PPM1H: variants seen among roughly 807,000 people sequenced by gnomAD.
The protein encoded by PPM1H is protein phosphatase, Mg2+/Mn2+ dependent 1H.
A neutral mutation model predicts 54.9 loss-of-function variants in PPM1H; 27 were observed. The observed-to-expected ratio is 0.49, with a 90% CI of 0.36 to 0.68. PPM1H has a LOEUF of 0.68. Ranked by LOEUF, PPM1H falls within the 30% of genes least tolerant of loss-of-function variation. The pLI is 0.00. For synonymous variants in PPM1H, 305 were observed against 270.8 expected (o/e 1.13, Z -1.24); for missense variants, 596 against 667.8 (o/e 0.89, Z 1.19).
intron 9 of PPM1H, among the ~76,000 whole-genome samples, chr12:62,664,109 A>C (rs969115808): frequency 6.6e-6 from 1 of 151,904 alleles, no homozygotes; most frequent in Non-Finnish European, 1.5e-5. Context: ...CTCTGTGGTT[A>C]AGGGTATCTT....
intron 6 of PPM1H, among the ~76,000 whole-genome samples, chr12:62,697,595 A>G (rs990966039): frequency 2.0e-5 from 3 of 152,114 alleles, no homozygotes; most frequent in Non-Finnish European, 4.4e-5. Flanking sequence ...GCTTGAATTT[A>G]TGCTTCCAGC....
At chr12:62,671,039 T>G (rs1326975683) in intron 8 of PPM1H, among the ~76,000 whole-genome samples, 1 of 152,162 alleles carries the variant, frequency 6.6e-6, no homozygotes, top group Non-Finnish European at 1.5e-5. Context: ...CAGCAAAGGC[T>G]TCAAAGGATT....
chr12:62,658,330 G>A (rs2075859353), intron 9 of PPM1H, among the ~76,000 whole-genome samples: 2 of 151,974 alleles, frequency 1.3e-5, no homozygotes, highest in African/African-American at 4.8e-5. Flanking sequence ...AGTTTGGTTA[G>A]CTATTCCCTG....
chr12:62,759,896 C>T (rs1189479904), intron 4 of PPM1H, among the ~76,000 whole-genome samples: 8 of 151,326 alleles, frequency 5.3e-5, no homozygotes. Context: ...GCAAGCACCT[C>T]TCACCCCTTC....
chr12:62,850,156 A>G (rs1869126198), intron 1 of PPM1H, among the ~76,000 whole-genome samples: 1 of 151,872 alleles, frequency 6.6e-6, no homozygotes, highest in Non-Finnish European at 1.5e-5. Flanking sequence ...TTGTAGATAC[A>G]GGGTTTCACC....
chr12:62,690,964 C>A, intron 7 of PPM1H, among the ~76,000 whole-genome samples: 1 of 152,058 alleles, frequency 6.6e-6, no homozygotes, highest in Non-Finnish European at 1.5e-5. Flanking sequence ...CAGTGAGACT[C>A]AGTCTCAAAC....
intron 1 of PPM1H, among the ~76,000 whole-genome samples, chr12:62,918,417 A>T (rs1871689668): frequency 1.3e-5 from 2 of 152,250 alleles, no homozygotes; most frequent in Admixed American, 1.3e-4. Flanking sequence ...GGGCAATTGA[A>T]ACCTAAATAT....
intron 4 of PPM1H, among the ~76,000 whole-genome samples, chr12:62,745,912 A>G (rs1029767083): frequency 6.6e-6 from 1 of 152,118 alleles, no homozygotes; most frequent in East Asian, 1.9e-4. Flanking sequence ...AGAAGTCTAG[A>G]CCAGGCATGA....
intron 3 of PPM1H, among the ~76,000 whole-genome samples, chr12:62,796,507 G>C (rs1407395786): frequency 6.6e-6 from 1 of 152,192 alleles, no homozygotes; most frequent in African/African-American, 2.4e-5. Flanking sequence ...ACATTTGCTA[G>C]TTCATTATAA....
At chr12:62,846,375 C>A (rs2120915306) in intron 1 of PPM1H, among the ~76,000 whole-genome samples, 1 of 151,830 alleles carries the variant, frequency 6.6e-6, no homozygotes, top group South Asian at 2.1e-4. Context: ...TGGCAGGCAC[C>A]TGTAGTCCCA....
chr12:62,850,567 C>G (rs1305050738), intron 1 of PPM1H, among the ~76,000 whole-genome samples: 1 of 150,526 alleles, frequency 6.6e-6, no homozygotes, highest in Non-Finnish European at 1.5e-5. Context: ...AAAAAAATCC[C>G]AAAATGTCCT....
chr12:62,933,462 G>A (rs1872217128), intron 1 of PPM1H, among the ~76,000 whole-genome samples: 1 of 152,096 alleles, frequency 6.6e-6, no homozygotes, highest in Non-Finnish European at 1.5e-5. Context: ...GCACGGATAG[G>A]GGAGGGCCAA....
intron 5 of PPM1H, chr12:62,720,932 G>T (rs894396620): frequency 1.8e-4 from 28 of 152,468 alleles, no homozygotes; most frequent in African/African-American, 6.5e-4. Flanking sequence ...CAGTCTCATT[G>T]TCACATTCAA....
chr12:62,900,185 C>G (rs1365531397), intron 1 of PPM1H, among the ~76,000 whole-genome samples: 5 of 152,236 alleles, frequency 3.3e-5, no homozygotes, highest in African/African-American at 7.2e-5. Flanking sequence ...TTTAGTTTCT[C>G]TGAATACTGA....
intron 4 of PPM1H, among the ~76,000 whole-genome samples, chr12:62,742,354 C>T (rs911997550): frequency 3.3e-5 from 5 of 152,304 alleles, no homozygotes; most frequent in Non-Finnish European, 5.9e-5. Flanking sequence ...GCCTACATCA[C>T]GATGCCTCTT....
intron 5 of PPM1H, among the ~76,000 whole-genome samples, chr12:62,732,721 G>T (rs11174625): frequency 0.014 from 2,083 of 151,934 alleles, 48 homozygotes; most frequent in African/African-American, 0.048. Context: ...ACAGGCGCCC[G>T]CCACTACGCC....
At chr12:62,921,342 T>C (rs1302105455) in intron 1 of PPM1H, among the ~76,000 whole-genome samples, 2 of 152,198 alleles carry the variant, frequency 1.3e-5, no homozygotes, top group African/African-American at 4.8e-5. Context: ...TAAATGTCTA[T>C]TTATCAACTC....
intron 4 of PPM1H, among the ~76,000 whole-genome samples, chr12:62,738,769 C>T (rs536202260): frequency 3.3e-5 from 5 of 152,162 alleles, no homozygotes; most frequent in South Asian, 2.1e-4. Context: ...GAAATGCCTT[C>T]GATCAGCTCA....
intron 1 of PPM1H, among the ~76,000 whole-genome samples, chr12:62,887,005 T>C (rs1402087667): frequency 6.6e-6 from 1 of 152,174 alleles, no homozygotes; most frequent in Non-Finnish European, 1.5e-5. Flanking sequence ...GAAGCACTGC[T>C]GTACAGGGGG....
Sources: allele counts gnomAD v4.1 joint callset (sites outside exome capture counted in the v4.1 genomes callset), GRCh38; gene constraint gnomAD v4.1.1; transcripts MANE v1.5; gene names NCBI Gene and HGNC (gene_info 2026-07-23, HGNC 2026-07-21).